Variants in CYP19A1 observed in about 807,000 individuals in gnomAD.
The protein encoded by CYP19A1 is aromatase.
In CYP19A1, 32 loss-of-function variants were observed where a neutral mutation model predicts 44.4. The ratio of observed to expected loss-of-function variants is 0.72; its 90% CI spans 0.54 to 0.97. The LOEUF is 0.97. Among genes scored for constraint, CYP19A1 ranks in the 50% least tolerant of loss-of-function variants. The probability of loss-of-function intolerance (pLI) is 0.00; values close to 1 mark genes in which losing one functional copy is unlikely to be tolerated. For missense variants in CYP19A1, 598 were observed against 637.8 expected (o/e 0.94, Z 0.67); for synonymous variants, 212 against 215.6 (o/e 0.98, Z 0.14).
rs141561915 is a variant in CYP19A1 at position 51,250,683 on chromosome 15, C to A, written c.-38-7733G>T. On this transcript the variant is annotated intron_variant, in intron 1 of 9. Transcript: ENST00000396402. Reference sequence around the variant, plus strand: ...TTGAATTGGGGTTGATCCCCCAGATCCTATTGCATTGGGGTTGCCTGACAC... The same window carrying A: ...TTGAATTGGGGTTGATCCCCCAGATACTATTGCATTGGGGTTGCCTGACAC... Among the ~76,000 whole-genome samples, 8 of 152,270 alleles carry A rather than the reference C, an allele frequency of 5.3e-5. No individual in the cohort carries two copies. In the East Asian group the frequency reaches 1.5e-3, roughly 29 times the overall value.
rs77828415 is a variant in CYP19A1 at position 51,210,528 on chromosome 15, T to C, written c.*280A>G. 1.7e-6 allele frequency: 1 copy of C among 585,706 alleles called. No homozygotes were observed. 36.3% of individuals were successfully genotyped at this position (585,706 alleles called of 1,614,324 possible). A position where few individuals can be genotyped will look rare whatever the true frequency, so the allele number is the denominator to read the frequency against. ...GAAGGCCTATCCTTCTCAAAGCACA[T>C]TTGGTGGAATCGGGTCTTTATGGAT... On this transcript the variant is annotated 3_prime_UTR_variant, in exon 10 of 10. Transcript: ENST00000396402.
At chr15:51,278,188 T>A (rs1336976305) in intron 1 of CYP19A1, 1 of 152,082 alleles carries the variant, frequency 6.6e-6, no homozygotes, top group African/African-American at 2.4e-5. Flanking sequence ...ATTAAAAAAA[T>A]ATATATGTCA....
chr15:51,211,012 G>T lies in CYP19A1; in HGVS notation c.1308C>A (p.Gly436=). The T allele has an allele frequency of 6.3e-7, 1 of 1,590,914 alleles. No individual in the cohort carries two copies. The highest frequency in any genetic ancestry group is 8.6e-7 in the Non-Finnish European group (1 of 1,158,934). Residue 436 remains glycine, a synonymous_variant, in exon 10 of 10, where the codon GGC becomes GGA. Coordinates refer to ENST00000396402, the MANE Select transcript of CYP19A1 (RefSeq NM_000103.4). ...YFQPFGFGPR[G]CAGKYIAMVM... ...CCATGGCGATGTACTTTCCTGCACA[G>T]CCACGGGGCCCAAAGCCAAATGGCT...
chr15:51,277,934 T>C (rs2035374362), intron 1 of CYP19A1: 1 of 151,450 alleles, frequency 6.6e-6, no homozygotes, highest in African/African-American at 2.4e-5. Context: ...AGAATTTTGT[T>C]CTCTTCAATA....
intron 3 of CYP19A1, among the ~76,000 whole-genome samples, chr15:51,235,597 C>A (rs1200285222): frequency 3.3e-5 from 5 of 152,194 alleles, no homozygotes; most frequent in African/African-American, 7.2e-5. Context: ...CAAAAAAATT[C>A]TTTTTGGATA....
intron 1 of CYP19A1, among the ~76,000 whole-genome samples, chr15:51,245,604 AT>A (rs1160431420): frequency 3.3e-5 from 5 of 152,182 alleles, no homozygotes; most frequent in Non-Finnish European, 5.9e-5. Flanking sequence ...ATGGGAGAAA[AT>A]TTTTGCAACC....
chr15:51,278,191 A>G (rs2035392762), intron 1 of CYP19A1: 1 of 152,128 alleles, frequency 6.6e-6, no homozygotes, highest in South Asian at 2.1e-4. Context: ...AAAAAAATAT[A>G]TATGTCAGGG....
At position 51,322,450 on chromosome 15, in the gene CYP19A1, C is replaced by A. The variant is rs1186144883; in HGVS notation, c.-39+16045G>T. 4.6e-5 allele frequency among the ~76,000 whole-genome samples: 7 copies of A among 152,220 alleles called. No individual in the cohort carries two copies. The East Asian group carries it at 1.3e-3, about 29-fold the overall frequency. On this transcript the variant is annotated intron_variant, in intron 1 of 9. Transcript: ENST00000396402. ...TATTTAGAGAAACAAACTGCTTTGG[C>A]ATTTAGAGATAAATTTTATGTAAGA...
intron 7 of CYP19A1, 111 bp from the exon 8 acceptor site, chr15:51,215,343 C>A: frequency 6.7e-7 from 1 of 1,501,678 alleles, no homozygotes; most frequent in Non-Finnish European, 9.2e-7. Flanking sequence ...ATCATAGAAA[C>A]CACATGTCTC....
intron 3 of CYP19A1, among the ~76,000 whole-genome samples, chr15:51,230,767 C>T (rs868069510): frequency 6.6e-5 from 10 of 151,990 alleles, no homozygotes; most frequent in Middle Eastern, 3.4e-3. Flanking sequence ...TACAGGCACC[C>T]GCCACCACAC....
chr15:51,235,015 G>A (rs2033296372), intron 3 of CYP19A1, among the ~76,000 whole-genome samples: 1 of 152,130 alleles, frequency 6.6e-6, no homozygotes, highest in African/African-American at 2.4e-5. Context: ...GGGGAGAGCT[G>A]AAAGGCAGGT....
At chr15:51,274,371 A>T (rs184389943) in intron 1 of CYP19A1, among the ~76,000 whole-genome samples, 1 of 152,344 alleles carries the variant, frequency 6.6e-6, no homozygotes, top group Non-Finnish European at 1.5e-5. Context: ...GGAATTACCC[A>T]TAGATATCCC....
chr15:51,268,231 C>A (rs556322491), intron 1 of CYP19A1, among the ~76,000 whole-genome samples: 1 of 152,322 alleles, frequency 6.6e-6, no homozygotes, highest in East Asian at 1.9e-4. Flanking sequence ...CATTTAATTT[C>A]CATCACCCAC....
intron 5 of CYP19A1, among the ~76,000 whole-genome samples, chr15:51,221,203 C>T (rs1027320286): frequency 6.6e-6 from 1 of 152,026 alleles, no homozygotes; most frequent in Non-Finnish European, 1.5e-5. Flanking sequence ...AGCATTATGT[C>T]AACTGTATAA....
intron 1 of CYP19A1, among the ~76,000 whole-genome samples, chr15:51,334,663 G>T (rs1024939970): frequency 3.9e-5 from 6 of 152,190 alleles, no homozygotes; most frequent in Admixed American, 3.3e-4. Context: ...AAAAGGAAAA[G>T]ATTTCTTTCT....
At chr15:51,300,377 C>T (rs188547558) in intron 1 of CYP19A1, among the ~76,000 whole-genome samples, 54 of 152,336 alleles carry the variant, frequency 3.5e-4, no homozygotes, top group African/African-American at 1.3e-3. Context: ...ATTAGCTTCT[C>T]AGTGAGGAAT....
chr15:51,323,635 G>C (rs1029119484), intron 1 of CYP19A1, among the ~76,000 whole-genome samples: 2 of 151,958 alleles, frequency 1.3e-5, no homozygotes, highest in African/African-American at 4.8e-5. Context: ...AAACTGTAAA[G>C]CTCAGCACAG....
At chr15:51,253,390 G>A (rs551593621) in intron 1 of CYP19A1, among the ~76,000 whole-genome samples, 2 of 152,186 alleles carry the variant, frequency 1.3e-5, no homozygotes, top group African/African-American at 4.8e-5. Context: ...CCTTTGAAAA[G>A]GTTACTATAT....
intron 1 of CYP19A1, among the ~76,000 whole-genome samples, chr15:51,304,198 A>AACATTTTAT: frequency 1.3e-5 from 2 of 152,164 alleles, no homozygotes; most frequent in Non-Finnish European, 2.9e-5. Context: ...CTGGGTTGGA[A>AACATTTTAT]GGTATACTGA....
Sources: gnomAD v4.1 joint callset for allele counts (sites outside exome capture counted in the v4.1 genomes callset) on GRCh38, gnomAD v4.1.1 for gene constraint, MANE v1.5 for transcripts, NCBI Gene and HGNC (gene_info 2026-07-23, HGNC 2026-07-21) for gene names.